Variants in SGCD observed in about 807,000 individuals in gnomAD.
SGCD encodes the protein sarcoglycan delta.
SGCD carries 18 observed loss-of-function variants against 36.6 expected under a neutral mutation model. That is an observed-to-expected ratio of 0.49 (90% CI 0.34 to 0.73). The LOEUF (loss-of-function observed/expected upper bound fraction) is 0.73. Ranked by LOEUF, SGCD falls within the 30% of genes least tolerant of loss-of-function variation. The pLI is 0.01. For synonymous variants in SGCD, 133 were observed against 130.6 expected, an observed-to-expected ratio of 1.02 and a Z score of -0.12; for missense variants, 387 against 346.7, an observed-to-expected ratio of 1.12 and a Z score of -0.92.
chr5:156,054,946 A>G lies in SGCD; in HGVS notation c.-281-62932A>G, dbSNP rs1203750221. ...AGAAAACCTGGACAGTGTGCCAGTC[A>G]TTCTATTTTTTCACTCATTCAGTTT... On this transcript the variant is annotated intron_variant, in intron 1 of 9. Transcript: ENST00000517913. 3.4e-5 allele frequency among the ~76,000 whole-genome samples: 5 copies of G among 146,010 alleles called. 1 individual carries two copies. Among genetic ancestry groups the G allele is most frequent in the African/African-American group, 1.2e-4 (5 of 40,238 alleles).
chr5:156,471,645 A>C (rs1754967795), intron 3 of SGCD, among the ~76,000 whole-genome samples: 1 of 152,148 alleles, frequency 6.6e-6, no homozygotes, highest in Non-Finnish European at 1.5e-5. Context: ...CAAAAAATTA[A>C]TCTGAAATAG....
At chr5:156,330,554 G>T (rs1219376702) in intron 2 of SGCD, among the ~76,000 whole-genome samples, 2 of 152,114 alleles carry the variant, frequency 1.3e-5, no homozygotes, top group African/African-American at 4.8e-5. Context: ...AAGGCTGGGT[G>T]TCTTGAGTCA....
the SGCD span, among the ~76,000 whole-genome samples, chr5:155,791,370 C>G: frequency 6.6e-6 from 1 of 152,244 alleles, no homozygotes; most frequent in South Asian, 2.1e-4. Context: ...GATGCTTACT[C>G]TCACCACGCT....
At chr5:155,771,170 G>C in the SGCD span, among the ~76,000 whole-genome samples, 2 of 152,064 alleles carry the variant, frequency 1.3e-5, no homozygotes, top group South Asian at 4.1e-4. Flanking sequence ...CATTCAGTTT[G>C]TTAATACTCG....
At chr5:156,649,678 A>G (rs1397849746) in intron 7 of SGCD, among the ~76,000 whole-genome samples, 10 of 141,802 alleles carry the variant, frequency 7.1e-5, no homozygotes, top group African/African-American at 2.6e-4. Context: ...ACATGGACAC[A>G]GGAAGGGGAA....
intron 1 of SGCD, among the ~76,000 whole-genome samples, chr5:156,080,253 C>G: frequency 6.6e-6 from 1 of 152,110 alleles, no homozygotes; most frequent in Non-Finnish European, 1.5e-5. Flanking sequence ...CAGGCCTGGC[C>G]CATGAAATCA....
intron 6 of SGCD, among the ~76,000 whole-genome samples, chr5:156,632,227 A>G (rs1462017054): frequency 1.3e-5 from 2 of 150,202 alleles, no homozygotes; most frequent in Non-Finnish European, 1.5e-5. Context: ...TAGACCAAAC[A>G]CTCTTTCTAA....
chr5:156,448,113 C>T (rs971686027), intron 3 of SGCD, among the ~76,000 whole-genome samples: 40 of 152,138 alleles, frequency 2.6e-4, no homozygotes, highest in Admixed American at 1.3e-4. Flanking sequence ...ACTACATCCT[C>T]CTCTCAAGTC....
intron 3 of SGCD, among the ~76,000 whole-genome samples, chr5:156,236,670 G>A (rs527723765): frequency 6.6e-6 from 1 of 151,912 alleles, no homozygotes; most frequent in Non-Finnish European, 1.5e-5. Flanking sequence ...GGATGGTCTC[G>A]ATCTCCTGAC....
chr5:156,332,803 AATTG>A (rs1183051817), intron 2 of SGCD, among the ~76,000 whole-genome samples: 1 of 152,192 alleles, frequency 6.6e-6, no homozygotes, highest in Non-Finnish European at 1.5e-5. Flanking sequence ...TGGGGAAGGG[AATTG>A]ATTAAGAGGA....
chr5:155,924,481 C>G (rs1270335793), intron 1 of SGCD, among the ~76,000 whole-genome samples: 1 of 152,142 alleles, frequency 6.6e-6, no homozygotes, highest in Non-Finnish European at 1.5e-5. Flanking sequence ...GGAAGGAAAG[C>G]CCAGAGATGG....
At chr5:155,822,185 G>C in the SGCD span, among the ~76,000 whole-genome samples, 1 of 152,160 alleles carries the variant, frequency 6.6e-6, no homozygotes, top group Non-Finnish European at 1.5e-5. Flanking sequence ...AAATTCTAGA[G>C]TCAGCTCCTA....
chr5:155,911,187 A>C (rs1304220357), intron 1 of SGCD, among the ~76,000 whole-genome samples: 1 of 152,056 alleles, frequency 6.6e-6, no homozygotes, highest in Non-Finnish European at 1.5e-5. Context: ...CCATCTTCAA[A>C]TATAGCTTAT....
At chr5:155,810,246 T>C in the SGCD span, among the ~76,000 whole-genome samples, 1 of 152,242 alleles carries the variant, frequency 6.6e-6, no homozygotes, top group Non-Finnish European at 1.5e-5. Flanking sequence ...CTTTCCTTCA[T>C]TTTTATTTCT....
chr5:155,862,032 GTTC>G, the SGCD span, among the ~76,000 whole-genome samples: 6,668 of 152,270 alleles, frequency 0.044, 190 homozygotes, highest in Middle Eastern at 0.14. Flanking sequence ...GCTGCTAGCT[GTTC>G]TTCTCAGTGA....
chr5:156,719,715 A>G (rs545405085), intron 7 of SGCD, among the ~76,000 whole-genome samples: 16 of 152,306 alleles, frequency 1.1e-4, no homozygotes, highest in African/African-American at 3.8e-4. Context: ...GAAAGTTCCC[A>G]GAACATCCAC....
At chr5:156,255,533 CTTGTGTT>C (rs1408899984) in intron 3 of SGCD, among the ~76,000 whole-genome samples, 1 of 152,018 alleles carries the variant, frequency 6.6e-6, no homozygotes, top group African/African-American at 2.4e-5. Flanking sequence ...TGTACCTGTT[CTTGTGTT>C]TTGTGTTTTG....
chr5:156,282,976 AG>A (rs1766494132), intron 3 of SGCD, among the ~76,000 whole-genome samples: 1 of 152,200 alleles, frequency 6.6e-6, no homozygotes, highest in African/African-American at 2.4e-5. Context: ...TGAAATTCTT[AG>A]CTGTGTTTAC....
intron 3 of SGCD, among the ~76,000 whole-genome samples, chr5:156,360,523 C>T (rs952491211): frequency 6.6e-6 from 1 of 152,184 alleles, no homozygotes; most frequent in East Asian, 1.9e-4. Context: ...GCTGGAATTA[C>T]AGGCCTAATT....
Sources: allele counts gnomAD v4.1 joint callset (sites outside exome capture counted in the v4.1 genomes callset), GRCh38; gene constraint gnomAD v4.1.1; transcripts MANE v1.5; gene names NCBI Gene and HGNC (gene_info 2026-07-23, HGNC 2026-07-21).